Variants in SFMBT2 observed in about 807,000 individuals in gnomAD.
The protein encoded by SFMBT2 is scm-like with four MBT domains protein 2.
A neutral mutation model predicts 110.1 loss-of-function variants in SFMBT2; 38 were observed. That is an observed-to-expected ratio of 0.35 (90% CI 0.27 to 0.45). SFMBT2 has a LOEUF of 0.45. Ranked by LOEUF, SFMBT2 falls within the 20% of genes least tolerant of loss-of-function variation. The probability of loss-of-function intolerance (pLI) is 1.00; values close to 1 mark genes in which losing one functional copy is unlikely to be tolerated. For synonymous variants in SFMBT2, 425 were observed against 425.4 expected, an observed-to-expected ratio of 1.00 and a Z score of 0.01; for missense variants, 1,011 against 1,094.9, an observed-to-expected ratio of 0.92 and a Z score of 1.08.
intron 12 of SFMBT2, chr10:7,203,412 T>G (rs926099265): frequency 5.0e-6 from 1 of 198,360 alleles, no homozygotes; most frequent in Non-Finnish European, 9.1e-6. Flanking sequence ...CTGGTCTTTG[T>G]TAGCGGGGTG....
intron 7 of SFMBT2, among the ~76,000 whole-genome samples, chr10:7,254,522 A>AT (rs2131748892): frequency 6.6e-6 from 1 of 152,308 alleles, no homozygotes; most frequent in South Asian, 2.1e-4. Flanking sequence ...GTGACTCATG[A>AT]TGATAAAAGA....
intron 4 of SFMBT2, among the ~76,000 whole-genome samples, chr10:7,366,680 G>A (rs1374702786): frequency 2.6e-5 from 4 of 152,210 alleles, no homozygotes; most frequent in East Asian, 1.9e-4. Context: ...AGAGATTCAC[G>A]TAATTAGCTG....
chr10:7,399,706 G>A (rs1846021896), intron 1 of SFMBT2, among the ~76,000 whole-genome samples: 2 of 152,184 alleles, frequency 1.3e-5, no homozygotes, highest in Non-Finnish European at 1.5e-5. Flanking sequence ...GGTAACTAAC[G>A]TCTTATCAGG....
chr10:7,276,027 C>T (rs7897166), intron 7 of SFMBT2, among the ~76,000 whole-genome samples: 93,661 of 151,700 alleles, frequency 0.62, 29,662 homozygotes, highest in East Asian at 0.79. Flanking sequence ...CTCCATGGGC[C>T]TGTTTTATGA....
In SFMBT2 at chr10:7,171,718, GC is replaced by G. The variant is rs1314843993; in HGVS notation, c.2415+176del. 6.6e-6 allele frequency among the ~76,000 whole-genome samples: 1 copy of G among 152,218 alleles called. No homozygotes were observed. Among genetic ancestry groups the G allele is most frequent in the Non-Finnish European group, 1.5e-5 (1 of 68,038 alleles). On this transcript the variant is annotated intron_variant, in intron 19 of 20. Coordinates refer to ENST00000397167, the MANE Select transcript of SFMBT2 (RefSeq NM_001387889.1). The surrounding 1 kb of genome is among the most constrained non-coding windows in gnomAD (Gnocchi z 4.9). The stretch of plus-strand genomic sequence containing the variant: ...GGGCACTCCATTCTGATGCCGAAAG[GC>G]CCCTCCACCCAGAGGTGAAGTGCCA...
intron 4 of SFMBT2, among the ~76,000 whole-genome samples, chr10:7,288,038 A>T (rs1459071206): frequency 2.0e-5 from 3 of 152,246 alleles, no homozygotes; most frequent in Non-Finnish European, 4.4e-5. Flanking sequence ...TTATAAACAT[A>T]CTAAATTATT....
intron 20 of SFMBT2, among the ~76,000 whole-genome samples, chr10:7,165,855 T>C (rs747397405): frequency 1.3e-5 from 2 of 152,244 alleles, no homozygotes; most frequent in Non-Finnish European, 2.9e-5. Flanking sequence ...TGATTGCAGC[T>C]GGGGGGATTT....
chr10:7,248,399 T>C, intron 8 of SFMBT2, 149 bp downstream of exon 8: 1 of 635,598 alleles, frequency 1.6e-6, no homozygotes. Flanking sequence ...AAAGCAGCGC[T>C]GGACTGGAAG....
rs534290552 is a variant in SFMBT2, at chr10:7,239,707, T to A, written c.1120+3851A>T. Among the ~76,000 whole-genome samples, 16 of 152,326 alleles carry A rather than the reference T, an allele frequency of 1.1e-4. No homozygotes were observed. In the South Asian group the frequency reaches 3.3e-3, roughly 32 times the overall value. On this transcript the variant is annotated intron_variant, in intron 9 of 20. Coordinates refer to ENST00000397167, the MANE Select transcript of SFMBT2 (RefSeq NM_001387889.1). ...TCTGACTGCTTTGATATATTGACCATCTGAATTGTGTAAAGCCATGGTCCA... is the reference window on the plus strand; with the variant it reads ...TCTGACTGCTTTGATATATTGACCAACTGAATTGTGTAAAGCCATGGTCCA...
Position 7,381,212 on chromosome 10 carries a change from C to A in SFMBT2, c.100+587G>T, listed in dbSNP as rs545528592. 2.4e-4 allele frequency among the ~76,000 whole-genome samples: 36 copies of A among 152,270 alleles called. No individual in the cohort carries two copies. In the South Asian group the frequency reaches 7.3e-3, roughly 31 times the overall value. The stretch of plus-strand genomic sequence containing the variant: ...CGCACTTCACCACCAATCCGCATGA[C>A]CTCACTTCCTTCCACACTGTATGCT... On this transcript the variant is annotated intron_variant, in intron 2 of 20. Transcript: ENST00000397167.
chr10:7,324,913 C>A (rs1843329465), intron 4 of SFMBT2, among the ~76,000 whole-genome samples: 1 of 151,786 alleles, frequency 6.6e-6, no homozygotes, highest in Non-Finnish European at 1.5e-5. Context: ...GATTAAGGAC[C>A]CAGCCTTATG....
At chr10:7,376,940 G>T (rs1296418607) in intron 2 of SFMBT2, among the ~76,000 whole-genome samples, 1 of 150,918 alleles carries the variant, frequency 6.6e-6, no homozygotes, top group African/African-American at 2.4e-5. Flanking sequence ...GGAGGCCGAG[G>T]CGGGCAAATC....
At chr10:7,370,768 T>G in intron 2 of SFMBT2, 2 of 940,222 alleles carry the variant, frequency 2.1e-6, no homozygotes, top group Non-Finnish European at 2.5e-6. Flanking sequence ...AGGGCTGTGA[T>G]GTAGGCTGTG....
chr10:7,379,522 T>TA (rs1421602576), intron 2 of SFMBT2, among the ~76,000 whole-genome samples: 2 of 152,202 alleles, frequency 1.3e-5, no homozygotes, highest in Non-Finnish European at 2.9e-5. Flanking sequence ...TGCAAAGTCT[T>TA]AGACTCTGCT....
chr10:7,242,207 C>T (rs13376827), intron 9 of SFMBT2, among the ~76,000 whole-genome samples: 10,674 of 152,146 alleles, frequency 0.07, 883 homozygotes, highest in African/African-American at 0.2. Context: ...GAGAATCCTT[C>T]GACTCATTTT....
At chr10:7,383,514 C>T (rs1845487077) in intron 1 of SFMBT2, among the ~76,000 whole-genome samples, 2 of 152,170 alleles carry the variant, frequency 1.3e-5, no homozygotes, top group African/African-American at 4.8e-5. Context: ...TTGTATTTAA[C>T]GTACTATACC....
chr10:7,387,500 G>C (rs1845641860), intron 1 of SFMBT2, among the ~76,000 whole-genome samples: 1 of 152,216 alleles, frequency 6.6e-6, no homozygotes, highest in East Asian at 1.9e-4. Context: ...AATGTACCTG[G>C]AATCCCACGA....
At chr10:7,390,673 T>C (rs956689455) in intron 1 of SFMBT2, among the ~76,000 whole-genome samples, 12 of 152,234 alleles carry the variant, frequency 7.9e-5, no homozygotes, top group African/African-American at 1.4e-4. Context: ...GTCAGTGGCT[T>C]ATAGACACTT....
At chr10:7,181,116 G>A (rs1452644861) in intron 16 of SFMBT2, among the ~76,000 whole-genome samples, 1 of 152,014 alleles carries the variant, frequency 6.6e-6, no homozygotes, top group African/African-American at 2.4e-5. Context: ...GTGCACGCCT[G>A]TAGTCTCAGC....
Sources: gnomAD v4.1 joint callset for allele counts (sites outside exome capture counted in the v4.1 genomes callset) on GRCh38, gnomAD v4.1.1 for gene constraint, Gnocchi (gnomAD v3.1) non-coding constraint, MANE v1.5 for transcripts, NCBI Gene and HGNC (gene_info 2026-07-23, HGNC 2026-07-21) for gene names.